Variants in MYT1 observed in about 807,000 individuals in gnomAD.
The protein encoded by MYT1 is myelin transcription factor 1.
Under a neutral mutation model 123.0 loss-of-function variants are expected in MYT1, and 23 were observed. That is an observed-to-expected ratio of 0.19 (90% CI 0.13 to 0.26). The LOEUF (loss-of-function observed/expected upper bound fraction) is 0.26. Among genes scored for constraint, MYT1 ranks in the 10% least tolerant of loss-of-function variants. The probability of loss-of-function intolerance (pLI) is 1.00; values close to 1 mark genes in which losing one functional copy is unlikely to be tolerated. For missense variants in MYT1, 1,125 were observed against 1,472.5 expected (o/e 0.76, Z 3.86); for synonymous variants, 518 against 575.3 (o/e 0.90, Z 1.43).
At chr20:64,238,382 TC>T (rs1984612736) in intron 21 of MYT1, among the ~76,000 whole-genome samples, 3 of 151,364 alleles carry the variant, frequency 2.0e-5, no homozygotes, top group Non-Finnish European at 4.4e-5. Flanking sequence ...TGCTCTTGTC[TC>T]TACTGGCAAA....
intron 22 of MYT1, 90 bp downstream of exon 22, chr20:64,239,993 C>A: frequency 6.5e-7 from 1 of 1,538,392 alleles, no homozygotes; most frequent in Non-Finnish European, 8.8e-7. Context: ...ACCCCCTCTG[C>A]CTCTGGGTCC....
intron 1 of MYT1, among the ~76,000 whole-genome samples, chr20:64,180,865 A>T (rs77087143): frequency 2.6e-5 from 4 of 152,106 alleles, no homozygotes; most frequent in Non-Finnish European, 4.4e-5. Context: ...GTAGACAGTG[A>T]TCACCACCCC....
chr20:64,171,280 C>T (rs1022065133), intron 1 of MYT1, among the ~76,000 whole-genome samples: 7 of 152,074 alleles, frequency 4.6e-5, no homozygotes, highest in East Asian at 1.9e-4. Flanking sequence ...CCTCATCCAG[C>T]GGTAAGTCCT....
At chr20:64,200,645 G>A (rs539690388) in intron 4 of MYT1, among the ~76,000 whole-genome samples, 25 of 152,234 alleles carry the variant, frequency 1.6e-4, no homozygotes, top group Non-Finnish European at 7.3e-5. Flanking sequence ...CCCAGGCTCT[G>A]CGTCAGTCAC....
intron 16 of MYT1, among the ~76,000 whole-genome samples, chr20:64,226,850 T>C (rs1303726535): frequency 1.3e-5 from 2 of 152,260 alleles, no homozygotes. Context: ...CAGCCAGGCC[T>C]GGCATGGCCA....
Position 64,202,762 on chromosome 20 carries a change from G to A in MYT1, c.87-2273G>A, listed in dbSNP as rs1041732827. Reference sequence around the variant, plus strand: ...GGATGCCAGCTGAGGGGTGACTGTGGGCCACACCCTCTTCCCAGCCTCACG... The same window carrying A: ...GGATGCCAGCTGAGGGGTGACTGTGAGCCACACCCTCTTCCCAGCCTCACG... On this transcript the variant is annotated intron_variant, in intron 4 of 22. Transcript: ENST00000328439. The surrounding 1 kb of genome is among the most constrained non-coding windows in gnomAD (Gnocchi z 5.0). 3.3e-5 allele frequency among the ~76,000 whole-genome samples: 5 copies of A among 152,216 alleles called. 1 individual carries two copies. The highest frequency in any genetic ancestry group is 3.9e-4 in the East Asian group (2 of 5,170).
At chr20:64,238,497 T>G (rs1303614759) in intron 21 of MYT1, among the ~76,000 whole-genome samples, 2 of 152,212 alleles carry the variant, frequency 1.3e-5, no homozygotes, top group African/African-American at 4.8e-5. Context: ...CGCTTGTTAC[T>G]CAAGAGCCTG....
At chr20:64,227,014 T>G (rs1984185984) in intron 16 of MYT1, among the ~76,000 whole-genome samples, 2 of 152,248 alleles carry the variant, frequency 1.3e-5, no homozygotes, top group Admixed American at 1.3e-4. Flanking sequence ...ATGCTCTGAA[T>G]GCCTTTAGTC....
In MYT1 at chr20:64,223,306, T is replaced by G. The variant is rs1159659202; in HGVS notation, c.2475T>G (p.Pro825=). Residue 825 remains proline (P), a synonymous_variant, in exon 16 of 23, where the codon CCT becomes CCG. Coordinates refer to ENST00000328439, the MANE Select transcript of MYT1 (RefSeq NM_004535.3). ...TCTCTTTCAGCCTCTCTGGTTGCCC[T>G]CTTGCTGACAAGAGCCTCAGAAACC... The part of the protein sequence containing the change: ...YASHRSLSGC[P]LADKSLRNLM... 4 of 1,614,196 alleles carry G rather than the reference T, an allele frequency of 2.5e-6. No homozygotes were observed. The East Asian group carries it at 6.7e-5, about 27-fold the overall frequency.
Position 64,207,307 on chromosome 20 carries a change from G to A in MYT1, c.398-287G>A, listed in dbSNP as rs192611449. 5.9e-5 allele frequency among the ~76,000 whole-genome samples: 9 copies of A among 152,308 alleles called. No homozygotes were observed. The East Asian group carries it at 1.7e-3, about 29-fold the overall frequency. On this transcript the variant is annotated intron_variant, in intron 6 of 22. Coordinates refer to ENST00000328439, the MANE Select transcript of MYT1 (RefSeq NM_004535.3). ...TTGGGAAAGTAAACGTGATGGGAGAGGAACATTAAGAAAAAGTATCAAAGT... is the reference window on the plus strand; with the variant it reads ...TTGGGAAAGTAAACGTGATGGGAGAAGAACATTAAGAAAAAGTATCAAAGT...
At chr20:64,214,087 C>T (rs1046264912) in intron 10 of MYT1, among the ~76,000 whole-genome samples, 1 of 152,232 alleles carries the variant, frequency 6.6e-6, no homozygotes, top group Non-Finnish European at 1.5e-5. Context: ...CTTGGCCGTC[C>T]TGCCTGTCCC....
At chr20:64,211,995 C>G (rs1601715538) in intron 8 of MYT1, 53 bp from the exon 9 acceptor site, 1 of 1,486,210 alleles carries the variant, frequency 6.7e-7, no homozygotes, top group African/African-American at 1.4e-5. Flanking sequence ...ACAGCTGGCG[C>G]TCCCCAGATT....
intron 11 of MYT1, 89 bp downstream of exon 11, chr20:64,217,370 G>T: frequency 2.9e-6 from 4 of 1,384,198 alleles, no homozygotes; most frequent in Non-Finnish European, 3.0e-6. Flanking sequence ...GGACCCTCTC[G>T]AGGAGCTACT....
chr20:64,172,741 CTTTTTTTTTTTTTTTT>C lies in MYT1; in HGVS notation c.-99+8010_-99+8025del, dbSNP rs33943131. On this transcript the variant is annotated intron_variant, in intron 1 of 22. Transcript: ENST00000328439. ...GTGCTGCTGGCTCTGGCCATACCCT[CTTTTTTTTTTTTTTTT>C]TTTTTTTGAAGATGGAGTCTCACTC... is the stretch of plus-strand genomic sequence containing the variant. Among the ~76,000 whole-genome samples, 3 of 95,548 alleles carry C rather than the reference CTTTTTTTTTTTTTTTT, an allele frequency of 3.1e-5. No homozygotes were observed. In the East Asian group the frequency reaches 9.7e-4, roughly 31 times the overall value. The allele number at this position is 95,548 out of a possible 152,430, so 62.7% of individuals were successfully genotyped here.
intron 16 of MYT1, 98 bp from the exon 17 acceptor site, chr20:64,227,317 G>A (rs1173971911): frequency 8.7e-6 from 10 of 1,150,676 alleles, no homozygotes; most frequent in Admixed American, 2.2e-5. Flanking sequence ...CGCACTCAAG[G>A]GCTGAGCCCA....
rs1982099922 is a variant in MYT1 at position 64,166,925 on chromosome 20, G to A, written c.-99+2186G>A. Among the ~76,000 whole-genome samples, 1 of 152,212 alleles carries A rather than the reference G, an allele frequency of 6.6e-6. No homozygotes were observed. Among genetic ancestry groups the A allele is most frequent in the Non-Finnish European group, 1.5e-5 (1 of 68,038 alleles). On this transcript the variant is annotated intron_variant, in intron 1 of 22. Coordinates refer to ENST00000328439, the MANE Select transcript of MYT1 (RefSeq NM_004535.3). This position sits in a 1 kb window ranked among gnomAD's most constrained non-coding sequence, Gnocchi z 4.9. The stretch of plus-strand genomic sequence containing the variant: ...GCTGACCAACGGCAGCCTGGATGGT[G>A]GCTGGAGCTTGGCCTGTCCCTGCTG...
intron 19 of MYT1, among the ~76,000 whole-genome samples, chr20:64,235,111 C>G (rs1356008302): frequency 1.5e-5 from 2 of 137,408 alleles, no homozygotes; most frequent in African/African-American, 5.6e-5. Flanking sequence ...TGGTGGGTGA[C>G]CCTGGGATGG....
chr20:64,207,512 G>C, intron 6 of MYT1, 82 bp from the exon 7 acceptor site: 2 of 1,544,234 alleles, frequency 1.3e-6, no homozygotes, highest in Non-Finnish European at 1.7e-6. Flanking sequence ...CAGGTGGAGG[G>C]GTGGTGGGTG....
intron 1 of MYT1, among the ~76,000 whole-genome samples, chr20:64,183,094 C>T (rs748278036): frequency 5.3e-5 from 8 of 152,178 alleles, no homozygotes; most frequent in Non-Finnish European, 1.2e-4. Flanking sequence ...TCTATCTCTA[C>T]GAATTTGCCT....
Sources: allele counts gnomAD v4.1 joint callset (sites outside exome capture counted in the v4.1 genomes callset), GRCh38; gene constraint gnomAD v4.1.1; non-coding constraint Gnocchi (gnomAD v3.1); transcripts MANE v1.5; gene names NCBI Gene and HGNC (gene_info 2026-07-23, HGNC 2026-07-21).